The following PTH2R variants were observed in gnomAD, a reference collection of about 807,000 sequenced individuals.
PTH2R encodes parathyroid hormone 2 receptor, also known as PTH2 receptor.
A neutral mutation model predicts 60.3 loss-of-function variants in PTH2R; 59 were observed. The observed-to-expected ratio is 0.98, with a 90% CI of 0.79 to 1.22. The LOEUF (loss-of-function observed/expected upper bound fraction) is 1.22, where lower values mean the gene tolerates loss of function less well. Ranked by LOEUF, PTH2R falls within the 50% of genes most tolerant of loss-of-function variation. PTH2R has a pLI of 0.00. For missense variants in PTH2R, 749 were observed against 682.6 expected (o/e 1.10, Z -1.08); for synonymous variants, 256 against 243.8 (o/e 1.05, Z -0.47).
At position 208,450,738 on chromosome 2, in the gene PTH2R, T is replaced by G. The variant is rs1341123847; in HGVS notation, c.854-11T>G. 1 of 1,613,436 alleles carries G rather than the reference T, an allele frequency of 6.2e-7. No individual in the cohort carries two copies. The highest frequency in any genetic ancestry group is 8.5e-7 in the Non-Finnish European group (1 of 1,179,504). ...AATAAATCTAGTCTCTGAATCATTT[T>G]CTGATTTCAGGGTTTCCAGCAGCAT... On this transcript the variant is annotated splice_polypyrimidine_tract_variant and intron_variant, in intron 7 of 12. Coordinates refer to ENST00000272847, the MANE Select transcript of PTH2R (RefSeq NM_005048.4).
At chr2:208,482,816 C>T (rs370250703) in intron 10 of PTH2R, among the ~76,000 whole-genome samples, 5 of 152,052 alleles carry the variant, frequency 3.3e-5, no homozygotes, top group Admixed American at 2.0e-4. Flanking sequence ...CCCATGCGTC[C>T]GTTTATAGGC....
chr2:208,410,911 T>C (rs577391235), intron 1 of PTH2R, among the ~76,000 whole-genome samples: 5 of 152,202 alleles, frequency 3.3e-5, no homozygotes, highest in Non-Finnish European at 7.4e-5. Context: ...CAAATTGTGG[T>C]GATAATAAAC....
At chr2:208,448,875 C>A (rs974975601) in intron 7 of PTH2R, among the ~76,000 whole-genome samples, 2 of 151,852 alleles carry the variant, frequency 1.3e-5, no homozygotes, top group Non-Finnish European at 2.9e-5. Flanking sequence ...AGTCTCTATG[C>A]TAGTCTTATG....
chr2:208,384,131 G>A (rs1402148587), intron 1 of PTH2R, among the ~76,000 whole-genome samples: 1 of 152,192 alleles, frequency 6.6e-6, no homozygotes, highest in African/African-American at 2.4e-5. Context: ...ACCATGTGTG[G>A]CACAGAAAAC....
chr2:208,454,732 T>A (rs1702476414), intron 8 of PTH2R, among the ~76,000 whole-genome samples: 1 of 152,236 alleles, frequency 6.6e-6, no homozygotes, highest in Non-Finnish European at 1.5e-5. Flanking sequence ...CCAAGCATTC[T>A]TTTATGTTAA....
At chr2:208,420,971 G>A (rs1366706355) in intron 1 of PTH2R, among the ~76,000 whole-genome samples, 1 of 152,002 alleles carries the variant, frequency 6.6e-6, no homozygotes, top group Non-Finnish European at 1.5e-5. Flanking sequence ...ACTACTAATT[G>A]GTTTTTTGTC....
chr2:208,419,144 A>C (rs4673408), intron 1 of PTH2R, among the ~76,000 whole-genome samples: 1 of 152,204 alleles, frequency 6.6e-6, no homozygotes, highest in Admixed American at 6.5e-5. Flanking sequence ...CCAACAGTGT[A>C]AAGGTGTTCC....
chr2:208,492,214 C>G (rs1156998914), intron 12 of PTH2R, among the ~76,000 whole-genome samples: 1 of 152,226 alleles, frequency 6.6e-6, no homozygotes, highest in Non-Finnish European at 1.5e-5. Flanking sequence ...TTTTCTCACT[C>G]TGACTCCTTT....
Position 208,493,748 on chromosome 2 carries a change from G to A in PTH2R, c.*89G>A. On this transcript the variant is annotated 3_prime_UTR_variant, in exon 13 of 13. Transcript: ENST00000272847. ...TGATACTCCTATGCTTGAGTTCAAAGGCTGAAAATTCAGTTAAGGTGTTAC... is the reference window on the plus strand; with the variant it reads ...TGATACTCCTATGCTTGAGTTCAAAAGCTGAAAATTCAGTTAAGGTGTTAC... 6 of 1,393,142 alleles carry A rather than the reference G, an allele frequency of 4.3e-6. No homozygotes were observed. The highest frequency in any genetic ancestry group is 5.7e-6 in the Non-Finnish European group (6 of 1,047,672). 86.3% of individuals were successfully genotyped at this position (1,393,142 alleles called of 1,614,324 possible).
rs763579213 is a variant in PTH2R at position 208,437,787 on chromosome 2, A to G, written c.317A>G (p.Asn106Ser). Residue 106 changes from asparagine (N) to serine (S), a missense_variant, in exon 4 of 13, where the codon AAT (asparagine) becomes AGT (serine). By Grantham distance (46) the Asn-to-Ser change is conservative (BLOSUM62 1). Coordinates refer to ENST00000272847, the MANE Select transcript of PTH2R (RefSeq NM_005048.4). ...GTTGCTTTCCGACACTGTAACCCCAATGGAACATGGGATTTTATGCACAGC... is the reference window on the plus strand; with the variant it reads ...GTTGCTTTCCGACACTGTAACCCCAGTGGAACATGGGATTTTATGCACAGC... ...KGVAFRHCNP[N>S]GTWDFMHSLN... The G allele has an allele frequency of 6.9e-5, 111 of 1,613,708 alleles. No homozygotes were observed. The highest frequency in any genetic ancestry group is 3.3e-4 in the East Asian group (15 of 44,872).
At chr2:208,391,890 A>G (rs1357684615) in intron 1 of PTH2R, among the ~76,000 whole-genome samples, 1 of 152,180 alleles carries the variant, frequency 6.6e-6, no homozygotes, top group Admixed American at 6.5e-5. Context: ...CCTTCCTGAG[A>G]AGCTTCCTCA....
intron 1 of PTH2R, among the ~76,000 whole-genome samples, chr2:208,379,983 G>A (rs1395403961): frequency 2.0e-5 from 3 of 152,004 alleles, no homozygotes; most frequent in Non-Finnish European, 4.4e-5. Context: ...TTATCCAGTG[G>A]CATCTGCATT....
At chr2:208,362,380 C>CT (rs1700491827) in intron 1 of PTH2R, among the ~76,000 whole-genome samples, 2 of 152,048 alleles carry the variant, frequency 1.3e-5, no homozygotes, top group African/African-American at 4.8e-5. Context: ...ATCTATATAT[C>CT]AATCCCATAG....
rs374871570 is a variant in PTH2R, at chr2:208,407,026, C to T, written c.-18C>T. ...CTCTGGAGGAGGGTCCCTGCTTCTT[C>T]CTACAGCCGTTCCGGGCATGGCCGG... is the stretch of plus-strand genomic sequence containing the variant. On this transcript the variant is annotated 5_prime_UTR_variant, in exon 1 of 13. Coordinates refer to ENST00000272847, the MANE Select transcript of PTH2R (RefSeq NM_005048.4). The T allele has an allele frequency of 1.2e-3, 1,634 of 1,389,894 alleles. No individual in the cohort carries two copies. Among genetic ancestry groups the T allele is most frequent in the Admixed American group, 1.9e-3 (65 of 33,468 alleles). 86.1% of individuals were successfully genotyped at this position (1,389,894 alleles called of 1,614,324 possible).
At chr2:208,362,060 C>G (rs373750422) in intron 1 of PTH2R, among the ~76,000 whole-genome samples, 2 of 152,198 alleles carry the variant, frequency 1.3e-5, no homozygotes, top group South Asian at 2.1e-4. Context: ...AGTTATCTCC[C>G]CACCACCCCT....
intron 1 of PTH2R, among the ~76,000 whole-genome samples, chr2:208,386,262 CTG>C (rs1423393607): frequency 6.6e-6 from 1 of 152,086 alleles, no homozygotes; most frequent in Non-Finnish European, 1.5e-5. Flanking sequence ...ATCTGTCACT[CTG>C]TGTTTGTGCT....
chr2:208,472,693 G>C (rs926164877), intron 9 of PTH2R, among the ~76,000 whole-genome samples: 1 of 152,128 alleles, frequency 6.6e-6, no homozygotes, highest in Admixed American at 6.5e-5. Context: ...GTCTTTATCA[G>C]CAGCATGTAA....
chr2:208,376,608 C>G (rs1156285927), intron 1 of PTH2R, among the ~76,000 whole-genome samples: 1 of 151,988 alleles, frequency 6.6e-6, no homozygotes, highest in African/African-American at 2.4e-5. Context: ...TTTGAACTTG[C>G]TTCCTAGCCC....
At chr2:208,427,302 A>G (rs1175457228) in intron 1 of PTH2R, among the ~76,000 whole-genome samples, 3 of 152,118 alleles carry the variant, frequency 2.0e-5, no homozygotes, top group Non-Finnish European at 4.4e-5. Context: ...GAAGGAGTCA[A>G]TTTTTCCTGC....
Sources: allele counts gnomAD v4.1 joint callset (sites outside exome capture counted in the v4.1 genomes callset), GRCh38; gene constraint gnomAD v4.1.1; transcripts MANE v1.5; gene names NCBI Gene and HGNC (gene_info 2026-07-23, HGNC 2026-07-21).